Variants in KDM2A observed in about 807,000 individuals in gnomAD.
KDM2A encodes the protein lysine-specific demethylase 2A.
KDM2A carries 3 observed loss-of-function variants against 137.3 expected under a neutral mutation model. The observed-to-expected ratio is 0.02, with a 90% CI of 0.01 to 0.06. The LOEUF (loss-of-function observed/expected upper bound fraction) is 0.06, where lower values mean the gene tolerates loss of function less well. KDM2A is among the 10% of genes least tolerant of loss of function. The pLI is 1.00. For missense variants in KDM2A, 738 were observed against 1,510.6 expected (o/e 0.49, Z 8.48); for synonymous variants, 512 against 541.5 (o/e 0.95, Z 0.76).
intron 2 of KDM2A, among the ~76,000 whole-genome samples, chr11:67,128,651 C>T (rs1389413565): frequency 6.6e-6 from 1 of 151,872 alleles, no homozygotes; most frequent in African/African-American, 2.4e-5. Flanking sequence ...TATTTTGGGC[C>T]CCTAGAATGA....
chr11:67,180,915 G>A (rs1187826099), intron 3 of KDM2A, among the ~76,000 whole-genome samples: 1 of 151,100 alleles, frequency 6.6e-6, no homozygotes, highest in Admixed American at 6.6e-5. Context: ...GCCCACCTTG[G>A]CCTCCCAAAG....
At chr11:67,186,838 T>TG (rs1193476162) in intron 5 of KDM2A, among the ~76,000 whole-genome samples, 4 of 152,242 alleles carry the variant, frequency 2.6e-5, no homozygotes, top group Non-Finnish European at 4.4e-5. Context: ...TAGGCTGAGG[T>TG]GGGAGGATTG....
intron 16 of KDM2A, among the ~76,000 whole-genome samples, chr11:67,248,924 AC>A (rs1480417519): frequency 6.6e-6 from 1 of 152,184 alleles, no homozygotes; most frequent in Non-Finnish European, 1.5e-5. Flanking sequence ...GAGGTTGCTG[AC>A]CAGTGGTTGC....
chr11:67,184,350 C>T (rs1857155838), intron 5 of KDM2A, among the ~76,000 whole-genome samples: 1 of 151,976 alleles, frequency 6.6e-6, no homozygotes, highest in Non-Finnish European at 1.5e-5. Flanking sequence ...AAAAATTAGG[C>T]CGGGTGCGGT....
chr11:67,251,060 T>G (rs1859409414), intron 17 of KDM2A, among the ~76,000 whole-genome samples: 2 of 152,174 alleles, frequency 1.3e-5, no homozygotes, highest in African/African-American at 4.8e-5. Flanking sequence ...GAGACTGATT[T>G]GCGGGATAGA....
At chr11:67,135,356 G>A (rs745370619) in intron 2 of KDM2A, among the ~76,000 whole-genome samples, 11 of 152,142 alleles carry the variant, frequency 7.2e-5, no homozygotes, top group South Asian at 2.1e-4. Context: ...GAGCCACCGC[G>A]CCCAGCACAG....
intron 17 of KDM2A, among the ~76,000 whole-genome samples, chr11:67,252,184 G>A (rs547819986): frequency 6.6e-6 from 1 of 152,282 alleles, no homozygotes; most frequent in South Asian, 2.1e-4. Flanking sequence ...CTTTTGACCT[G>A]ATACAGTAAT....
intron 5 of KDM2A, among the ~76,000 whole-genome samples, chr11:67,198,086 A>C (rs1267649488): frequency 1.3e-5 from 2 of 152,192 alleles, no homozygotes; most frequent in Non-Finnish European, 2.9e-5. Context: ...TGAGTAGGCT[A>C]AGGAGGAAGA....
intron 2 of KDM2A, among the ~76,000 whole-genome samples, chr11:67,123,960 A>G (rs1855657706): frequency 6.6e-6 from 1 of 151,588 alleles, no homozygotes; most frequent in South Asian, 2.1e-4. Flanking sequence ...TACAGGCATG[A>G]GCCACTGGAC....
chr11:67,242,508 G>T (rs1859076302), intron 12 of KDM2A, among the ~76,000 whole-genome samples: 1 of 152,178 alleles, frequency 6.6e-6, no homozygotes, highest in South Asian at 2.1e-4. Flanking sequence ...GTGTAGAAAA[G>T]TGAAGAAGCA....
intron 6 of KDM2A, among the ~76,000 whole-genome samples, chr11:67,211,621 A>G (rs1378960819): frequency 4.6e-4 from 69 of 148,622 alleles, no homozygotes; most frequent in African/African-American, 1.6e-3. Context: ...CTCAAAAAAA[A>G]AAAAAAAAAA....
rs1216414090 is a variant in KDM2A, at chr11:67,156,263, AT to A, written c.43-23815del. Among the ~76,000 whole-genome samples, 6 of 150,262 alleles carry A rather than the reference AT, an allele frequency of 4.0e-5. No homozygotes were observed. In the South Asian group the frequency reaches 1.3e-3, roughly 32 times the overall value. On this transcript the variant is annotated intron_variant, in intron 2 of 20. Coordinates refer to ENST00000529006, the MANE Select transcript of KDM2A (RefSeq NM_012308.3). ...AACTCCGTCTCAAAAAAAAAAAAAA[AT>A]CACAAGGAGGATAATATTTTATAAC...
chr11:67,215,037 A>G (rs1008112430), intron 6 of KDM2A, among the ~76,000 whole-genome samples: 4 of 152,184 alleles, frequency 2.6e-5, no homozygotes, highest in Non-Finnish European at 5.9e-5. Context: ...TTATATAAGT[A>G]TTGACATAGA....
At chr11:67,158,969 C>T (rs1032488528) in intron 2 of KDM2A, among the ~76,000 whole-genome samples, 3 of 152,096 alleles carry the variant, frequency 2.0e-5, no homozygotes, top group African/African-American at 7.2e-5. Context: ...AGTGGCTTGT[C>T]TTTTCATTCC....
chr11:67,215,853 C>A lies in KDM2A; in HGVS notation c.594-3C>A. The A allele has an allele frequency of 6.2e-7, 1 of 1,612,882 alleles. No homozygotes were observed. The highest frequency in any genetic ancestry group is 1.1e-5 in the South Asian group (1 of 90,978). ...ACTAATGCTGCTGCTTTTTTTGGGTCAGGTACTGTCTAATGAGTGTTCGAG... is the reference window on the plus strand; with the variant it reads ...ACTAATGCTGCTGCTTTTTTTGGGTAAGGTACTGTCTAATGAGTGTTCGAG... On this transcript the variant is annotated splice_polypyrimidine_tract_variant and splice_region_variant and intron_variant, in intron 7 of 20. Transcript: ENST00000529006.
chr11:67,171,358 C>G (rs1013395603), intron 2 of KDM2A, among the ~76,000 whole-genome samples: 3 of 152,066 alleles, frequency 2.0e-5, no homozygotes, highest in African/African-American at 7.2e-5. Flanking sequence ...TGGTATGTAG[C>G]AAATTGTCAA....
intron 11 of KDM2A, among the ~76,000 whole-genome samples, chr11:67,228,488 T>G (rs2136420379): frequency 6.6e-6 from 1 of 151,950 alleles, no homozygotes; most frequent in East Asian, 1.9e-4. Context: ...GCCCAGGAGT[T>G]AAGACCAGCC....
intron 2 of KDM2A, among the ~76,000 whole-genome samples, chr11:67,153,120 G>A (rs1387893903): frequency 1.3e-5 from 2 of 152,110 alleles, no homozygotes; most frequent in Non-Finnish European, 2.9e-5. Flanking sequence ...AAGTAGCTGG[G>A]ATTGCAGGCA....
intron 2 of KDM2A, among the ~76,000 whole-genome samples, chr11:67,127,235 G>A (rs1366719849): frequency 1.3e-5 from 2 of 152,118 alleles, no homozygotes; most frequent in Non-Finnish European, 2.9e-5. Context: ...GGGACTACAG[G>A]CATGCATGTG....
Sources: gnomAD v4.1 joint callset for allele counts (sites outside exome capture counted in the v4.1 genomes callset) on GRCh38, gnomAD v4.1.1 for gene constraint, MANE v1.5 for transcripts, NCBI Gene and HGNC (gene_info 2026-07-23, HGNC 2026-07-21) for gene names.